Variants in MLXIPL observed in about 807,000 individuals in gnomAD.
MLXIPL encodes the protein MLX interacting protein like, also known as carbohydrate-responsive element-binding protein.
Under a neutral mutation model 81.5 loss-of-function variants are expected in MLXIPL, and 49 were observed. The observed-to-expected ratio is 0.60, with a 90% CI of 0.48 to 0.76. The LOEUF (loss-of-function observed/expected upper bound fraction) is 0.76, where lower values mean the gene tolerates loss of function less well. MLXIPL is among the 30% of genes least tolerant of loss of function. The pLI, the probability that MLXIPL is intolerant of heterozygous loss-of-function variation, is 0.00. For missense variants in MLXIPL, 1,053 were observed against 1,167.0 expected (o/e 0.90, Z 1.42); for synonymous variants, 466 against 485.5 (o/e 0.96, Z 0.53).
chr7:73,624,613 GC>G, upstream of MLXIPL: 5 of 1,382,374 alleles, frequency 3.6e-6, no homozygotes, highest in Non-Finnish European at 4.7e-6. Flanking sequence ...GGTGGGCGGG[GC>G]CTGGGACGGG....
At chr7:73,614,138 A>T (rs543432754) in intron 2 of MLXIPL, among the ~76,000 whole-genome samples, 3 of 152,090 alleles carry the variant, frequency 2.0e-5, no homozygotes, top group East Asian at 3.9e-4. Context: ...AATCTCTTAA[A>T]CCAGGGAGAC....
intron 7 of MLXIPL, among the ~76,000 whole-genome samples, chr7:73,604,912 C>A (rs1795162562): frequency 6.6e-6 from 1 of 151,880 alleles, no homozygotes; most frequent in Non-Finnish European, 1.5e-5. Flanking sequence ...TCACAGGTGC[C>A]TGCCACCACG....
intron 1 of MLXIPL, among the ~76,000 whole-genome samples, chr7:73,619,183 A>G (rs1027649632): frequency 2.6e-5 from 4 of 152,070 alleles, no homozygotes; most frequent in Non-Finnish European, 4.4e-5. Flanking sequence ...AGCTGGGGCC[A>G]GGCACAGTGG....
the MLXIPL span, among the ~76,000 whole-genome samples, chr7:73,641,564 C>T: frequency 6.6e-6 from 1 of 152,150 alleles, no homozygotes; most frequent in Non-Finnish European, 1.5e-5. Context: ...ATGGTGTTTA[C>T]TCACACTTAT....
the MLXIPL span, among the ~76,000 whole-genome samples, chr7:73,631,557 AC>A: frequency 2.4e-5 from 2 of 84,506 alleles, no homozygotes; most frequent in Admixed American, 2.2e-4. Context: ...GGATGTTGCT[AC>A]TTTTTTTTTT....
At chr7:73,607,153 A>C (rs1795348037) in intron 4 of MLXIPL, 135 bp from the exon 5 acceptor site, 2 of 1,318,626 alleles carry the variant, frequency 1.5e-6, no homozygotes, top group Admixed American at 4.0e-5. Flanking sequence ...CTAGGTAAGG[A>C]GGCCGCTAGG....
At chr7:73,632,323 A>C in the MLXIPL span, among the ~76,000 whole-genome samples, 1 of 151,790 alleles carries the variant, frequency 6.6e-6, no homozygotes, top group Non-Finnish European at 1.5e-5. Flanking sequence ...CCTTATCTGG[A>C]TTCTGGTTAT....
chr7:73,609,586 G>GTGTA (rs1563499134), intron 2 of MLXIPL: 2 of 149,118 alleles, frequency 1.3e-5, no homozygotes, highest in African/African-American at 5.0e-5. Flanking sequence ...GTGTGTGTGT[G>GTGTA]TATGCTTGAA....
chr7:73,618,901 C>T (rs1285598196), intron 1 of MLXIPL, among the ~76,000 whole-genome samples: 3 of 152,116 alleles, frequency 2.0e-5, no homozygotes, highest in African/African-American at 4.8e-5. Context: ...AAGGTTATGA[C>T]GTTCATGGCC....
chr7:73,642,108 T>G, the MLXIPL span, among the ~76,000 whole-genome samples: 1 of 152,110 alleles, frequency 6.6e-6, no homozygotes, highest in Non-Finnish European at 1.5e-5. Context: ...TGTCAATAAT[T>G]TGGTAGAATG....
At chr7:73,612,476 A>C (rs1159079509) in intron 2 of MLXIPL, among the ~76,000 whole-genome samples, 1 of 151,974 alleles carries the variant, frequency 6.6e-6, no homozygotes, top group African/African-American at 2.4e-5. Context: ...CCCTGTCTCT[A>C]CCGAAAATAC....
At chr7:73,595,529 C>T (rs376374013) in intron 15 of MLXIPL, 108 bp downstream of exon 15, 41 of 1,607,752 alleles carry the variant, frequency 2.6e-5, no homozygotes, top group Admixed American at 5.0e-5. Context: ...CTGGGAGCAG[C>T]TCTGAGCCTG....
rs1472610862 is a variant in MLXIPL, at chr7:73,624,383, C to T, written c.110G>A (p.Ser37Asn). 3.2e-6 allele frequency: 5 copies of T among 1,570,264 alleles called. No individual in the cohort carries two copies. Among genetic ancestry groups the T allele is most frequent in the Admixed American group, 1.8e-5 (1 of 54,508 alleles). Residue 37 changes from serine to asparagine, a missense_variant, in exon 1 of 17, where the codon AGC becomes AAC. Physicochemically the swap from Ser to Asn is conservative, Grantham distance 46. Around this residue, in one of 3 missense-constraint regions of MLXIPL, gnomAD observed 226 missense variants for 216.2 expected, o/e 1.05. Transcript: ENST00000313375. ...TDSEDPSLRR[S>N]AGGLLRSQVI... ...CTGCGAGCGGAGCAAGCCGCCCGCGCTGCGCCGGAGACTCGGGTCCTCCGA... is the reference window on the plus strand; with the variant it reads ...CTGCGAGCGGAGCAAGCCGCCCGCGTTGCGCCGGAGACTCGGGTCCTCCGA...
intron 7 of MLXIPL, among the ~76,000 whole-genome samples, chr7:73,603,530 T>C (rs1472252406): frequency 6.6e-6 from 1 of 152,080 alleles, no homozygotes; most frequent in Non-Finnish European, 1.5e-5. Flanking sequence ...GTGGGGGTGG[T>C]TCCTCATTCC....
upstream of MLXIPL, chr7:73,624,585 C>A: frequency 1.4e-6 from 2 of 1,428,078 alleles, no homozygotes; most frequent in Non-Finnish European, 1.8e-6. Context: ...GCCCCGCCCC[C>A]ACACCATAGG....
intron 14 of MLXIPL, 26 bp downstream of exon 14, chr7:73,595,816 C>T: frequency 6.3e-7 from 1 of 1,588,150 alleles, no homozygotes; most frequent in Non-Finnish European, 8.6e-7. Flanking sequence ...CCCCCTGGTC[C>T]CAGCACCCGC....
chr7:73,594,494 G>A (rs1584063335), intron 15 of MLXIPL, 91 bp from the exon 16 acceptor site: 1 of 1,514,612 alleles, frequency 6.6e-7, no homozygotes, highest in Admixed American at 1.7e-5. Flanking sequence ...GGGGAAGAAA[G>A]GGCCTGGACA....
chr7:73,606,056 A>G lies in MLXIPL; in HGVS notation c.674T>C (p.Val225Ala). ...TGGGTCCCCCAGCAGCACGGGGACC[A>G]CACTGGAGAAGAGCTGTTTGCACCA... ...EQWCKQLFSS[V>A]VPVLLGDPEE... The change falls in exon 6 of 17, where the codon GTG becomes GCG. Residue 225 changes from valine to alanine, a missense_variant. Physicochemically the swap from Val to Ala is moderately conservative, Grantham distance 64. Coordinates refer to ENST00000313375, the MANE Select transcript of MLXIPL (RefSeq NM_032951.3). 6.3e-7 allele frequency: 1 copy of G among 1,591,832 alleles called. No individual in the cohort carries two copies. The highest frequency in any genetic ancestry group is 8.6e-7 in the Non-Finnish European group (1 of 1,169,248).
chr7:73,594,953 C>A (rs1554593161), intron 15 of MLXIPL, among the ~76,000 whole-genome samples: 3 of 150,974 alleles, frequency 2.0e-5, no homozygotes, highest in Non-Finnish European at 4.4e-5. Flanking sequence ...TCAAGCTGTT[C>A]TCCTGCCTCA....
Sources: allele counts gnomAD v4.1 joint callset (sites outside exome capture counted in the v4.1 genomes callset), GRCh38; gene constraint gnomAD v4.1.1; regional missense constraint gnomAD v4.1.1; transcripts MANE v1.5; gene names NCBI Gene and HGNC (gene_info 2026-07-23, HGNC 2026-07-21).